Variants in DNMT3A observed in about 807,000 individuals in gnomAD.
The protein encoded by DNMT3A is DNA (cytosine-5)-methyltransferase 3A.
Under a neutral mutation model 117.6 loss-of-function variants are expected in DNMT3A, and 267 were observed. The ratio of observed to expected loss-of-function variants is 2.27; its 90% CI spans 2.05 to 2.51. The LOEUF is 2.51. Ranked by LOEUF, DNMT3A falls within the 30% of genes most tolerant of loss-of-function variation. The probability of loss-of-function intolerance (pLI) is 0.00; values close to 1 mark genes in which losing one functional copy is unlikely to be tolerated. For missense variants in DNMT3A, 1,029 were observed against 1,260.2 expected (o/e 0.82, Z 2.78); for synonymous variants, 432 against 474.8 (o/e 0.91, Z 1.17).
rs2032982618 is a variant in DNMT3A at position 25,294,614 on chromosome 2, T to G, written c.177+5525A>C. Among the ~76,000 whole-genome samples, 3 of 152,228 alleles carry G rather than the reference T, an allele frequency of 2.0e-5. No individual in the cohort carries two copies. The highest frequency in any genetic ancestry group is 4.4e-5 in the Non-Finnish European group (3 of 68,034). On this transcript the variant is annotated intron_variant, in intron 3 of 22. Transcript: ENST00000321117. This position sits in a 1 kb window ranked among gnomAD's most constrained non-coding sequence, Gnocchi z 4.7. ...GAAAACAAGCAGGGCTGCTGAGCTC[T>G]GTCTTAACTTGGAGAAGAATCAAAG...
Position 25,240,623 on chromosome 2 carries a change from G to A in DNMT3A, c.2173+17C>T. On this transcript the variant is annotated intron_variant, in intron 18 of 22. Coordinates refer to ENST00000321117, the MANE Select transcript of DNMT3A (RefSeq NM_022552.5). ...AAGCACCAGCTGAGAAGGTGGAGGG[G>A]ACAGGATGGTACCTACCGTAGAGGC... The A allele has an allele frequency of 1.9e-6, 3 of 1,613,954 alleles. No individual in the cohort carries two copies. The highest frequency in any genetic ancestry group is 2.5e-6 in the Non-Finnish European group (3 of 1,179,836).
Position 25,282,303 on chromosome 2 carries a change from C to T in DNMT3A, c.448+138G>A, listed in dbSNP as rs2031940317. The T allele has an allele frequency of 2.0e-6, 3 of 1,470,996 alleles. No homozygotes were observed. Among genetic ancestry groups the T allele is most frequent in the African/African-American group, 2.8e-5 (2 of 70,902 alleles). 91.1% of individuals were successfully genotyped at this position (1,470,996 alleles called of 1,614,324 possible). A position where few individuals can be genotyped will look rare whatever the true frequency, so the allele number is the denominator to read the frequency against. ...CAGGCTGCATCCAGCCAGTAGCCTC[C>T]AGGCCATAGCCTTGGCAAGCAGACC... On this transcript the variant is annotated intron_variant, in intron 4 of 22. Coordinates refer to ENST00000321117, the MANE Select transcript of DNMT3A (RefSeq NM_022552.5). The surrounding 1 kb of genome is among the most constrained non-coding windows in gnomAD (Gnocchi z 5.2).
chr2:25,332,480 G>A (rs1385393016), intron 1 of DNMT3A, among the ~76,000 whole-genome samples: 1 of 152,244 alleles, frequency 6.6e-6, no homozygotes, highest in African/African-American at 2.4e-5. Context: ...TCATTGAGAT[G>A]AGTGTGACCC....
chr2:25,238,160 C>T (rs1673571696), intron 20 of DNMT3A, among the ~76,000 whole-genome samples: 1 of 152,148 alleles, frequency 6.6e-6, no homozygotes, highest in Non-Finnish European at 1.5e-5. Context: ...CATGAAAATA[C>T]TGGACCTCAT....
chr2:25,239,175 G>A lies in DNMT3A; in HGVS notation c.2363C>T (p.Ala788Val), dbSNP rs1277979168. Residue 788 changes from alanine to valine, a missense_variant, in exon 20 of 23, where the codon GCA becomes GTA. Transcript: ENST00000321117. ...ACCCCAGAAGTAGCGGGCCCTGTGT[G>A]CAGCTGACACTTCTTTGGCATCAAT... Reference protein sequence around the residue: ...VMIDAKEVSAAHRARYFWGNL... With the variant: ...VMIDAKEVSAVHRARYFWGNL... The A allele has an allele frequency of 6.2e-7, 1 of 1,614,108 alleles. No homozygotes were observed. Among genetic ancestry groups the A allele is most frequent in the Non-Finnish European group, 8.5e-7 (1 of 1,179,974 alleles).
intron 6 of DNMT3A, among the ~76,000 whole-genome samples, chr2:25,268,018 C>T (rs2030516788): frequency 6.6e-6 from 1 of 152,128 alleles, no homozygotes; most frequent in Non-Finnish European, 1.5e-5. Context: ...TTGAACTTGC[C>T]TCCAAAGGTC....
intron 12 of DNMT3A, among the ~76,000 whole-genome samples, 192 bp downstream of exon 12, chr2:25,245,828 C>T (rs1053138664): frequency 6.6e-6 from 1 of 152,242 alleles, no homozygotes; most frequent in Non-Finnish European, 1.5e-5. Flanking sequence ...ACCCTGAAGA[C>T]CAGCCCACGC....
chr2:25,265,862 A>G (rs753922024), intron 6 of DNMT3A, among the ~76,000 whole-genome samples: 24 of 151,768 alleles, frequency 1.6e-4, no homozygotes, highest in Non-Finnish European at 2.8e-4. Context: ...ATGTTTTAGG[A>G]TTGTGGTGAA....
At chr2:25,262,207 A>C (rs1250107746) in intron 6 of DNMT3A, among the ~76,000 whole-genome samples, 1 of 151,312 alleles carries the variant, frequency 6.6e-6, no homozygotes, top group Non-Finnish European at 1.5e-5. Context: ...AAAAAAAAAA[A>C]ACCTGTCCCC....
chr2:25,251,371 G>C (rs771056649), intron 6 of DNMT3A, among the ~76,000 whole-genome samples: 9 of 152,002 alleles, frequency 5.9e-5, no homozygotes, highest in East Asian at 1.9e-4. Flanking sequence ...TCACCCCCAG[G>C]GGGGCGGAGA....
Position 25,286,546 on chromosome 2 carries a change from TG to T in DNMT3A, c.178-3836del, listed in dbSNP as rs966204189. ...ATGATTCAGCCAAAGTTCTGGGATT[TG>T]GGGGGGAGGGCAATGACTTCTGCCA... On this transcript the variant is annotated intron_variant, in intron 3 of 22. Coordinates refer to ENST00000321117, the MANE Select transcript of DNMT3A (RefSeq NM_022552.5). This position sits in a 1 kb window ranked among gnomAD's most constrained non-coding sequence, Gnocchi z 4.3. 1.3e-5 allele frequency among the ~76,000 whole-genome samples: 2 copies of T among 152,214 alleles called. No homozygotes were observed. The highest frequency in any genetic ancestry group is 6.5e-5 in the Admixed American group (1 of 15,296).
At chr2:25,309,488 C>T (rs1379788664) in intron 2 of DNMT3A, among the ~76,000 whole-genome samples, 2 of 152,192 alleles carry the variant, frequency 1.3e-5, no homozygotes, top group African/African-American at 4.8e-5. Context: ...CGCCATTATG[C>T]AGTGAAAGGC....
In DNMT3A at chr2:25,282,064, A is replaced by G. The variant is rs2031917640; in HGVS notation, c.448+377T>C. 4.3e-6 allele frequency: 5 copies of G among 1,153,238 alleles called. No individual in the cohort carries two copies. The highest frequency in any genetic ancestry group is 5.4e-6 in the Non-Finnish European group (5 of 924,974). 71.4% of individuals were successfully genotyped at this position (1,153,238 alleles called of 1,614,324 possible). A position where few individuals can be genotyped will look rare whatever the true frequency, so the allele number is the denominator to read the frequency against. ...GTAGAGCTGCAGAAAACTAAGGCCCACAACCAGCCACAGAAGGCGATGGAG... is the reference window on the plus strand; with the variant it reads ...GTAGAGCTGCAGAAAACTAAGGCCCGCAACCAGCCACAGAAGGCGATGGAG... On this transcript the variant is annotated intron_variant, in intron 4 of 22. Transcript: ENST00000321117. This position sits in a 1 kb window ranked among gnomAD's most constrained non-coding sequence, Gnocchi z 5.2.
intron 2 of DNMT3A, among the ~76,000 whole-genome samples, chr2:25,312,796 G>C (rs965411090): frequency 6.6e-6 from 1 of 152,218 alleles, no homozygotes; most frequent in African/African-American, 2.4e-5. Context: ...TCTCAGAGCT[G>C]ACACCCTTCA....
At position 25,234,685 on chromosome 2, in the gene DNMT3A, T is replaced by G. The variant is rs1673156242; in HGVS notation, c.2598-265A>C. ...ACCTTAAAGGTAGTAAGGTCATCAC[T>G]GCCTAGAGTTTCACAACCCAGCAGA... On this transcript the variant is annotated intron_variant, in intron 22 of 22. Transcript: ENST00000321117. This position sits in a 1 kb window ranked among gnomAD's most constrained non-coding sequence, Gnocchi z 4.5. Among the ~76,000 whole-genome samples, 1 of 152,232 alleles carries G rather than the reference T, an allele frequency of 6.6e-6. No individual in the cohort carries two copies. The highest frequency in any genetic ancestry group is 2.1e-4 in the South Asian group (1 of 4,834).
chr2:25,290,281 T>A (rs1160262202), intron 3 of DNMT3A, among the ~76,000 whole-genome samples: 1 of 151,308 alleles, frequency 6.6e-6, no homozygotes, highest in Non-Finnish European at 1.5e-5. Context: ...CTGGGACCAC[T>A]GGCATGTGCC....
At chr2:25,280,537 G>A (rs993140180) in intron 4 of DNMT3A, among the ~76,000 whole-genome samples, 1 of 152,094 alleles carries the variant, frequency 6.6e-6, no homozygotes, top group Admixed American at 6.5e-5. Context: ...TTCAGCTCGC[G>A]CTGGACAGCC....
At chr2:25,313,358 GT>G (rs1042553271) in intron 2 of DNMT3A, among the ~76,000 whole-genome samples, 19 of 141,472 alleles carry the variant, frequency 1.3e-4, no homozygotes, top group Admixed American at 7.6e-4. Flanking sequence ...GGAGTCTGGG[GT>G]GGGGGGCGGG....
intron 6 of DNMT3A, among the ~76,000 whole-genome samples, chr2:25,251,371 G>T (rs771056649): frequency 7.9e-5 from 12 of 152,002 alleles, no homozygotes; most frequent in Non-Finnish European, 1.5e-4. Flanking sequence ...TCACCCCCAG[G>T]GGGGCGGAGA....
Sources: allele counts gnomAD v4.1 joint callset (sites outside exome capture counted in the v4.1 genomes callset), GRCh38; gene constraint gnomAD v4.1.1; non-coding constraint Gnocchi (gnomAD v3.1); transcripts MANE v1.5; gene names NCBI Gene and HGNC (gene_info 2026-07-23, HGNC 2026-07-21).